DPP10: variants seen among roughly 807,000 people sequenced by gnomAD.
The protein encoded by DPP10 is inactive dipeptidyl peptidase 10.
Under a neutral mutation model 120.9 loss-of-function variants are expected in DPP10, and 33 were observed. That is an observed-to-expected ratio of 0.27 (90% CI 0.21 to 0.37). The LOEUF (loss-of-function observed/expected upper bound fraction) is 0.37, where lower values mean the gene tolerates loss of function less well. Ranked by LOEUF, DPP10 falls within the 10% of genes least tolerant of loss-of-function variation. DPP10 has a pLI of 1.00. For missense variants in DPP10, 816 were observed against 942.8 expected, an observed-to-expected ratio of 0.87 and a Z score of 1.76; for synonymous variants, 337 against 326.1, an observed-to-expected ratio of 1.03 and a Z score of -0.36.
chr2:115,214,502 T>C (rs1031781818), intron 1 of DPP10, among the ~76,000 whole-genome samples: 3 of 152,190 alleles, frequency 2.0e-5, no homozygotes, highest in Non-Finnish European at 4.4e-5. Flanking sequence ...TCATTTTCAA[T>C]TAATTGTACT....
chr2:115,595,089 G>GT (rs1481402942), intron 5 of DPP10, among the ~76,000 whole-genome samples: 2 of 152,044 alleles, frequency 1.3e-5, no homozygotes, highest in African/African-American at 4.8e-5. Flanking sequence ...TTTGATTTTG[G>GT]AAAGTTTGTC....
chr2:114,810,171 G>A lies in DPP10; in HGVS notation c.60+367333G>A, dbSNP rs137906265. 4.2e-4 allele frequency among the ~76,000 whole-genome samples: 64 copies of A among 152,112 alleles called. No individual in the cohort carries two copies. In the East Asian group the frequency reaches 6.8e-3, roughly 16 times the overall value. Reference sequence around the variant, plus strand: ...ACCAAGACTTAAATATTTTTCCACCGTTTTACTTCTCGATCTGAACTCTTG... The same window carrying A: ...ACCAAGACTTAAATATTTTTCCACCATTTTACTTCTCGATCTGAACTCTTG... On this transcript the variant is annotated intron_variant, in intron 1 of 25. Coordinates refer to ENST00000410059, the MANE Select transcript of DPP10 (RefSeq NM_020868.6).
intron 1 of DPP10, among the ~76,000 whole-genome samples, chr2:115,296,462 C>T (rs996693885): frequency 9.2e-5 from 14 of 152,026 alleles, no homozygotes; most frequent in Non-Finnish European, 4.4e-5. Context: ...AAAGGAAGTA[C>T]ATTAAACACA....
intron 3 of DPP10, among the ~76,000 whole-genome samples, chr2:115,350,532 C>A (rs2063956600): frequency 6.6e-6 from 1 of 152,082 alleles, no homozygotes. Context: ...ATGGTAGATG[C>A]ATTCAGCTAG....
intron 15 of DPP10, 47 bp downstream of exon 15, chr2:115,777,881 G>A: frequency 1.3e-6 from 2 of 1,578,364 alleles, no homozygotes; most frequent in Non-Finnish European, 1.7e-6. Context: ...CTTCTCAATG[G>A]CTATCTATGT....
At chr2:114,732,854 A>G (rs1486307662) in intron 1 of DPP10, among the ~76,000 whole-genome samples, 1 of 152,202 alleles carries the variant, frequency 6.6e-6, no homozygotes, top group African/African-American at 2.4e-5. Context: ...AATTATCCTA[A>G]TGGCACAGAG....
intron 1 of DPP10, among the ~76,000 whole-genome samples, chr2:114,534,596 A>G (rs1414990192): frequency 6.6e-6 from 1 of 152,228 alleles, no homozygotes; most frequent in African/African-American, 2.4e-5. Context: ...CTTGGAGATT[A>G]AACAGTCAGC....
chr2:115,218,800 G>GTT (rs1295313992), intron 1 of DPP10, among the ~76,000 whole-genome samples: 1 of 152,122 alleles, frequency 6.6e-6, no homozygotes, highest in East Asian at 1.9e-4. Context: ...GTGGTAATTG[G>GTT]TTTTCTGACC....
chr2:114,745,229 T>C (rs952723486), intron 1 of DPP10, among the ~76,000 whole-genome samples: 2 of 152,214 alleles, frequency 1.3e-5, no homozygotes, highest in African/African-American at 4.8e-5. Context: ...TCAAAGACTT[T>C]ACTAGAAGCT....
intron 1 of DPP10, among the ~76,000 whole-genome samples, chr2:115,272,978 C>G (rs140402821): frequency 6.6e-6 from 1 of 152,118 alleles, no homozygotes; most frequent in East Asian, 1.9e-4. Flanking sequence ...GCTATTATTG[C>G]TTAGGTTTAT....
At chr2:114,663,538 A>G (rs537578580) in intron 1 of DPP10, among the ~76,000 whole-genome samples, 1 of 149,878 alleles carries the variant, frequency 6.7e-6, no homozygotes, top group South Asian at 2.1e-4. Context: ...TATACATTTC[A>G]ATGTTATTTA....
At chr2:115,679,770 C>T (rs928024342) in intron 5 of DPP10, among the ~76,000 whole-genome samples, 2 of 152,054 alleles carry the variant, frequency 1.3e-5, no homozygotes, top group African/African-American at 4.8e-5. Context: ...ATGTGTATCA[C>T]TTGTACGTGG....
intron 5 of DPP10, among the ~76,000 whole-genome samples, chr2:115,544,524 T>A (rs1442583791): frequency 6.6e-6 from 1 of 152,036 alleles, no homozygotes; most frequent in Non-Finnish European, 1.5e-5. Flanking sequence ...TCATCATGGA[T>A]TATTTTGTAT....
At chr2:115,527,684 A>C (rs991511759) in intron 5 of DPP10, among the ~76,000 whole-genome samples, 3 of 152,138 alleles carry the variant, frequency 2.0e-5, no homozygotes, top group African/African-American at 7.2e-5. Flanking sequence ...AAACACAACT[A>C]TACAATCAGA....
intron 1 of DPP10, among the ~76,000 whole-genome samples, chr2:114,480,091 A>G (rs1382230627): frequency 1.3e-5 from 2 of 152,244 alleles, no homozygotes; most frequent in East Asian, 1.9e-4. Flanking sequence ...TGCAGCCAAA[A>G]CACAAATGAA....
chr2:115,184,850 CTAAG>C, intron 1 of DPP10, among the ~76,000 whole-genome samples: 1 of 152,114 alleles, frequency 6.6e-6, no homozygotes, highest in South Asian at 2.1e-4. Context: ...TATTGTCATC[CTAAG>C]TAATATTTTC....
At chr2:114,975,172 A>G (rs1286368116) in intron 1 of DPP10, among the ~76,000 whole-genome samples, 2 of 151,588 alleles carry the variant, frequency 1.3e-5, no homozygotes, top group African/African-American at 2.4e-5. Context: ...CAGCCACCCA[A>G]GTAGCTGGGG....
At chr2:115,712,740 G>A (rs1318308628) in intron 7 of DPP10, among the ~76,000 whole-genome samples, 4 of 150,210 alleles carry the variant, frequency 2.7e-5, no homozygotes, top group Admixed American at 6.6e-5. Flanking sequence ...AAATCAAACC[G>A]CTACAAAATT....
At chr2:114,807,023 A>G (rs1232120953) in intron 1 of DPP10, among the ~76,000 whole-genome samples, 1 of 152,136 alleles carries the variant, frequency 6.6e-6, no homozygotes, top group Non-Finnish European at 1.5e-5. Context: ...TGTTGGAGTC[A>G]TTTTTTACCC....
Sources: gnomAD v4.1 joint callset for allele counts (sites outside exome capture counted in the v4.1 genomes callset) on GRCh38, gnomAD v4.1.1 for gene constraint, MANE v1.5 for transcripts, NCBI Gene and HGNC (gene_info 2026-07-23, HGNC 2026-07-21) for gene names.